The following C9orf72 variants were observed in gnomAD, a reference collection of about 807,000 sequenced individuals.
The protein encoded by C9orf72 is C9orf72-SMCR8 complex subunit.
Under a neutral mutation model 51.6 loss-of-function variants are expected in C9orf72, and 44 were observed. The observed-to-expected ratio is 0.85, with a 90% CI of 0.67 to 1.10. The LOEUF is 1.10. C9orf72 is among the 50% of genes least tolerant of loss of function. The pLI is 0.00. For synonymous variants in C9orf72, 213 were observed against 194.2 expected (o/e 1.10, Z -0.81); for missense variants, 607 against 570.6 (o/e 1.06, Z -0.65).
intron 5 of C9orf72, 21 bp from the exon 6 acceptor site, chr9:27,560,320 A>AT: frequency 6.4e-7 from 1 of 1,572,520 alleles, no homozygotes; most frequent in South Asian, 1.2e-5. Flanking sequence ...AAGAAAACAG[A>AT]TTAAAAACAT....
chr9:27,562,319 C>T, intron 4 of C9orf72, 62 bp downstream of exon 4: 1 of 635,532 alleles, frequency 1.6e-6, no homozygotes, highest in South Asian at 3.4e-5. Context: ...TAATAATATA[C>T]ATAATAATAC....
chr9:27,562,020 T>G (rs1819362867), intron 4 of C9orf72, among the ~76,000 whole-genome samples: 1 of 152,198 alleles, frequency 6.6e-6, no homozygotes, highest in Non-Finnish European at 1.5e-5. Context: ...ACTAAATTTG[T>G]GACTACAAGT....
rs185874833 is a variant in C9orf72, at chr9:27,560,588, T to C, written c.666-289A>G. 1.4e-4 allele frequency: 125 copies of C among 869,502 alleles called. 1 individual carries two copies. Among genetic ancestry groups the C allele is most frequent in the East Asian group, 1.3e-3 (15 of 11,430 alleles). The allele number at this position is 869,502 out of a possible 1,614,324, so 53.9% of individuals were successfully genotyped here. A position where few individuals can be genotyped will look rare whatever the true frequency, so the allele number is the denominator to read the frequency against. ...TACCATCATTTTATAGCTGAAGAAA[T>C]TGACATGTAGAGAGATTAAGTGACT... On this transcript the variant is annotated intron_variant, in intron 5 of 10. Transcript: ENST00000380003.
intron 8 of C9orf72, among the ~76,000 whole-genome samples, chr9:27,552,479 G>A (rs1401723096): frequency 6.6e-6 from 1 of 150,764 alleles, no homozygotes; most frequent in African/African-American, 2.4e-5. Context: ...CTCCTGAATA[G>A]CTGGGACTAT....
chr9:27,570,879 C>A (rs1231808523), intron 1 of C9orf72, among the ~76,000 whole-genome samples: 2 of 151,636 alleles, frequency 1.3e-5, no homozygotes, highest in South Asian at 4.2e-4. Context: ...AAGAAAAAAA[C>A]AAACAAACAA....
chr9:27,559,359 G>A (rs1379434144), intron 6 of C9orf72: 1 of 151,600 alleles, frequency 6.6e-6, no homozygotes, highest in Non-Finnish European at 1.5e-5. Context: ...AGGCTTTGGA[G>A]ATCACAGATG....
intron 9 of C9orf72, 54 bp downstream of exon 9, chr9:27,550,596 A>C: frequency 8.7e-7 from 1 of 1,149,698 alleles, no homozygotes; most frequent in Admixed American, 2.0e-5. Context: ...GGATATATTA[A>C]AAAAGAAAAC....
At chr9:27,558,298 T>C (rs913317912) in intron 7 of C9orf72, among the ~76,000 whole-genome samples, 193 bp downstream of exon 7, 1 of 151,562 alleles carries the variant, frequency 6.6e-6, no homozygotes, top group Admixed American at 6.6e-5. Context: ...GGGTATTCTA[T>C]GGTGTTTCAC....
chr9:27,558,111 C>A (rs1033332960), intron 7 of C9orf72, among the ~76,000 whole-genome samples: 4 of 149,834 alleles, frequency 2.7e-5, no homozygotes, highest in Non-Finnish European at 4.4e-5. Flanking sequence ...ATAGGAATTG[C>A]TTAAATCCTA....
In C9orf72 at chr9:27,566,977, C is replaced by A; in HGVS notation, c.144G>T (p.Lys48Asn). 1 of 1,614,112 alleles carries A rather than the reference C, an allele frequency of 6.2e-7. No homozygotes were observed. The highest frequency in any genetic ancestry group is 2.2e-5 in the East Asian group (1 of 44,880). Residue 48 changes from lysine to asparagine, a missense_variant, in exon 2 of 11, where the codon AAG (lysine) becomes AAT (asparagine). By Grantham distance (94) the Lys-to-Asn change is moderately conservative. Transcript: ENST00000380003. Reference sequence around the variant, plus strand: ...CATCACTGAGAAGTACCTGTTCTGTCTTTGGAGCCCAAATGTGCCTTACTC... The same window carrying A: ...CATCACTGAGAAGTACCTGTTCTGTATTTGGAGCCCAAATGTGCCTTACTC... ...GPRVRHIWAP[K>N]TEQVLLSDGE...
chr9:27,551,769 A>T (rs1241259556), intron 8 of C9orf72, among the ~76,000 whole-genome samples: 1 of 152,232 alleles, frequency 6.6e-6, no homozygotes, highest in African/African-American at 2.4e-5. Flanking sequence ...TGTTCCACTG[A>T]ATGAGTATCT....
chr9:27,548,164 G>A lies in C9orf72; in HGVS notation c.*72C>T, dbSNP rs1429081629. On this transcript the variant is annotated 3_prime_UTR_variant, in exon 11 of 11. Coordinates refer to ENST00000380003, the MANE Select transcript of C9orf72 (RefSeq NM_018325.5). ...ATTCTGGAGTATGATCCAGGGGAAC[G>A]TTTCCCCACACCACTGAGCTACTTT... 1.0e-5 allele frequency: 12 copies of A among 1,179,990 alleles called. No individual in the cohort carries two copies. The highest frequency in any genetic ancestry group is 3.1e-5 in the African/African-American group (2 of 63,842). The allele number at this position is 1,179,990 out of a possible 1,614,324, so 73.1% of individuals were successfully genotyped here.
chr9:27,548,254 A>T lies in C9orf72; in HGVS notation c.1428T>A (p.Asp476Glu). The T allele has an allele frequency of 6.2e-7, 1 of 1,608,296 alleles. No individual in the cohort carries two copies. Among genetic ancestry groups the T allele is most frequent in the Non-Finnish European group, 8.5e-7 (1 of 1,177,700 alleles). ...TACACATTTAAAAAGTCATTAGAAC[A>T]TCTCGTTCTTGCACACTAGTGTAGA... ...RPFYTSVQER[D>E]VLMTF The change falls in exon 11 of 11, where the codon GAT becomes GAA. Residue 476 changes from aspartate (D) to glutamate (E), a missense_variant. Coordinates refer to ENST00000380003, the MANE Select transcript of C9orf72 (RefSeq NM_018325.5).
intron 7 of C9orf72, 47 bp from the exon 8 acceptor site, chr9:27,556,843 T>C (rs753913999): frequency 2.2e-5 from 26 of 1,203,312 alleles, no homozygotes; most frequent in Non-Finnish European, 3.0e-5. Context: ...CCAAACGATA[T>C]GAATAATTGT....
intron 2 of C9orf72, 114 bp from the exon 3 acceptor site, chr9:27,565,704 A>C (rs1819452773): frequency 3.0e-6 from 2 of 669,992 alleles, no homozygotes; most frequent in South Asian, 1.8e-5. Flanking sequence ...AATACTTTCT[A>C]CTTTAGGGAA....
Position 27,565,648 on chromosome 9 carries a change from T to C in C9orf72, c.445-58A>G, listed in dbSNP as rs192304481. The C allele has an allele frequency of 3.8e-6, 4 of 1,051,896 alleles. No individual in the cohort carries two copies. In the Admixed American group the frequency reaches 7.2e-5, roughly 19 times the overall value. The allele number at this position is 1,051,896 out of a possible 1,614,324, so 65.2% of individuals were successfully genotyped here. A position where few individuals can be genotyped will look rare whatever the true frequency, so the allele number is the denominator to read the frequency against. On this transcript the variant is annotated intron_variant, in intron 2 of 10. Transcript: ENST00000380003. ...CCCACAACATTTTGATACTTGCTTA[T>C]TTTTCAATAGACATGTTCTTGTGTA...
chr9:27,566,262 G>A (rs1248752856), intron 2 of C9orf72, among the ~76,000 whole-genome samples: 1 of 152,172 alleles, frequency 6.6e-6, no homozygotes, highest in Non-Finnish European at 1.5e-5. Context: ...ACTTGGCAAA[G>A]AGGTTAAAGA....
At chr9:27,565,171 C>A (rs1307904965) in intron 3 of C9orf72, among the ~76,000 whole-genome samples, 1 of 152,094 alleles carries the variant, frequency 6.6e-6, no homozygotes, top group Non-Finnish European at 1.5e-5. Context: ...CATATGCTCT[C>A]CTTCTGTTAC....
Position 27,550,642 on chromosome 9 carries a change from A to G in C9orf72, c.1149+8T>C, listed in dbSNP as rs751630586. 8.3e-6 allele frequency: 13 copies of G among 1,559,462 alleles called. No homozygotes were observed. Among genetic ancestry groups the G allele is most frequent in the Non-Finnish European group, 1.1e-5 (13 of 1,136,758 alleles). On this transcript the variant is annotated splice_region_variant and intron_variant, in intron 9 of 10. Transcript: ENST00000380003. ...ATTCACTCTGACAATCTCAAGTTCA[A>G]CATTTACCTGATCCAGGAAGGCTTT... is the stretch of plus-strand genomic sequence containing the variant.
Sources: gnomAD v4.1 joint callset for allele counts (sites outside exome capture counted in the v4.1 genomes callset) on GRCh38, gnomAD v4.1.1 for gene constraint, MANE v1.5 for transcripts, NCBI Gene and HGNC (gene_info 2026-07-23, HGNC 2026-07-21) for gene names.